CCR5AS: variants seen among roughly 807,000 people sequenced by gnomAD.
The protein encoded by CCR5AS is CCR5 antisense RNA.
intron 2 of CCR5AS, among the ~76,000 whole-genome samples, chr3:46,384,160 T>G (rs1340545908): frequency 6.6e-6 from 1 of 152,164 alleles, no homozygotes; most frequent in African/African-American, 2.4e-5. Context: ...TGCAAGGCAT[T>G]TTATAGACGA....
intron 1 of CCR5AS, among the ~76,000 whole-genome samples, chr3:46,395,982 GGA>G (rs1322016138): frequency 6.6e-6 from 1 of 152,176 alleles, no homozygotes; most frequent in Non-Finnish European, 1.5e-5. Flanking sequence ...GAGCCTCTGT[GGA>G]GACTCTGGGA....
At chr3:46,368,292 T>C (rs1225912699) in intron 3 of CCR5AS, among the ~76,000 whole-genome samples, 2 of 152,056 alleles carry the variant, frequency 1.3e-5, no homozygotes, top group South Asian at 2.1e-4. Context: ...ATGTACTTAA[T>C]AATAAAAAGA....
chr3:46,382,226 G>T (rs968460264), intron 2 of CCR5AS, among the ~76,000 whole-genome samples: 2 of 152,224 alleles, frequency 1.3e-5, no homozygotes, highest in South Asian at 2.1e-4. Context: ...CATGGCACGG[G>T]CCAGGTAGAG....
chr3:46,393,265 G>T (rs570107217), intron 1 of CCR5AS, among the ~76,000 whole-genome samples: 2 of 152,146 alleles, frequency 1.3e-5, no homozygotes, highest in African/African-American at 4.8e-5. Flanking sequence ...AAATTACAAT[G>T]GTGGAATGTC....
chr3:46,380,718 A>C (rs937400273), intron 2 of CCR5AS, among the ~76,000 whole-genome samples: 1 of 152,256 alleles, frequency 6.6e-6, no homozygotes, highest in African/African-American at 2.4e-5. Context: ...TGTGCTAATA[A>C]ATTCACAAAA....
downstream of CCR5AS, among the ~76,000 whole-genome samples, chr3:46,364,068 G>A (rs1017749330): frequency 1.3e-5 from 2 of 152,246 alleles, no homozygotes; most frequent in African/African-American, 2.4e-5. Context: ...GAGAAGCTGT[G>A]GCAAGTTATC....
rs772239843 is a variant in CCR5AS at position 46,373,946 on chromosome 3, A to G, written n.392-2529T>C. 23 of 1,565,536 alleles carry G rather than the reference A, an allele frequency of 1.5e-5. No homozygotes were observed. In the South Asian group the frequency reaches 2.4e-4, roughly 16 times the overall value. On this transcript the variant is annotated intron_variant and non_coding_transcript_variant, in intron 2 of 3. Transcript: ENST00000451485. ...CCCGATCCACTGGGGAGCAGGAAAT[A>G]TCTGTGGGCTTGTGACACGGACTCA... is the stretch of plus-strand genomic sequence containing the variant.
intron 3 of CCR5AS, among the ~76,000 whole-genome samples, chr3:46,369,004 G>T (rs992222371): frequency 1.4e-5 from 2 of 138,482 alleles, no homozygotes; most frequent in African/African-American, 2.5e-5. Context: ...AAAAACCAAA[G>T]TTGTATTTAT....
intron 2 of CCR5AS, among the ~76,000 whole-genome samples, chr3:46,380,984 A>C (rs963569654): frequency 2.0e-5 from 3 of 152,142 alleles, no homozygotes; most frequent in African/African-American, 7.2e-5. Flanking sequence ...CAACTTTCAT[A>C]ACAGAACATT....
intron 1 of CCR5AS, among the ~76,000 whole-genome samples, chr3:46,396,709 T>A (rs1160848477): frequency 2.6e-5 from 4 of 152,178 alleles, no homozygotes; most frequent in Admixed American, 6.5e-5. Context: ...CCTCAATTCC[T>A]AATTCCTTGT....
intron 2 of CCR5AS, among the ~76,000 whole-genome samples, chr3:46,380,462 C>T (rs574903374): frequency 1.3e-5 from 2 of 152,342 alleles, no homozygotes; most frequent in Non-Finnish European, 2.9e-5. Context: ...TCGTTTACAT[C>T]AAACCCTCTT....
chr3:46,396,591 A>G (rs1325560353), intron 1 of CCR5AS, among the ~76,000 whole-genome samples: 1 of 151,888 alleles, frequency 6.6e-6, no homozygotes, highest in Non-Finnish European at 1.5e-5. Context: ...ACTCAGATCT[A>G]CTCCCCTTTC....
In CCR5AS at chr3:46,373,322, G is replaced by A. The variant is rs1301796146; in HGVS notation, n.392-1905C>T. On this transcript the variant is annotated intron_variant and non_coding_transcript_variant, in intron 2 of 3. Transcript: ENST00000451485. ...ATGCTGTGTTTGCTTTAAAAGCCAGGACGGTCACCTTTGGGGTGGTGACAA... is the reference window on the plus strand; with the variant it reads ...ATGCTGTGTTTGCTTTAAAAGCCAGAACGGTCACCTTTGGGGTGGTGACAA... 1.9e-6 allele frequency: 3 copies of A among 1,614,046 alleles called. No individual in the cohort carries two copies. The African/African-American group carries it at 4.0e-5, about 22-fold the overall frequency.
At chr3:46,365,600 T>C (rs1396118313) in intron 3 of CCR5AS, among the ~76,000 whole-genome samples, 1 of 152,186 alleles carries the variant, frequency 6.6e-6, no homozygotes, top group South Asian at 2.1e-4. Flanking sequence ...TTTAGCTAAC[T>C]GGCCACTGCC....
At chr3:46,366,798 G>A (rs149789525) in intron 3 of CCR5AS, among the ~76,000 whole-genome samples, 11 of 152,320 alleles carry the variant, frequency 7.2e-5, no homozygotes, top group East Asian at 5.8e-4. Context: ...GTAACAAAGC[G>A]TGGCACTGGA....
intron 2 of CCR5AS, among the ~76,000 whole-genome samples, chr3:46,381,475 C>G (rs1701816299): frequency 6.6e-6 from 1 of 152,190 alleles, no homozygotes; most frequent in Admixed American, 6.5e-5. Flanking sequence ...CACACAAACA[C>G]CTCCTACTAT....
chr3:46,384,906 T>TAGAC (rs1419578669), intron 2 of CCR5AS, among the ~76,000 whole-genome samples: 92 of 69,534 alleles, frequency 1.3e-3, no homozygotes, highest in African/African-American at 4.5e-3. Flanking sequence ...GATAGATAGA[T>TAGAC]AGATAGACAG....
intron 3 of CCR5AS, chr3:46,365,154 G>A (rs1701587679): frequency 6.6e-6 from 1 of 152,184 alleles, no homozygotes; most frequent in African/African-American, 2.4e-5. Flanking sequence ...GAAAGAAGTG[G>A]GTAAAATGCT....
intron 1 of CCR5AS, among the ~76,000 whole-genome samples, chr3:46,401,310 T>C (rs1320142579): frequency 2.6e-5 from 4 of 152,186 alleles, no homozygotes; most frequent in Non-Finnish European, 5.9e-5. Flanking sequence ...GACTCAAGAC[T>C]CTAGAAAATG....
Sources: gnomAD v4.1 joint callset for allele counts (sites outside exome capture counted in the v4.1 genomes callset) on GRCh38, gnomAD v4.1.1 for gene constraint, MANE v1.5 for transcripts, NCBI Gene and HGNC (gene_info 2026-07-23, HGNC 2026-07-21) for gene names.